Variants in BMPR2 observed in about 807,000 individuals in gnomAD.
BMPR2 encodes the protein bone morphogenetic protein receptor type-2.
A neutral mutation model predicts 100.8 loss-of-function variants in BMPR2; 29 were observed. That is an observed-to-expected ratio of 0.29 (90% CI 0.21 to 0.39). The LOEUF is 0.39. Among genes scored for constraint, BMPR2 ranks in the 10% least tolerant of loss-of-function variants. BMPR2 has a pLI of 1.00. For synonymous variants in BMPR2, 382 were observed against 442.3 expected, an observed-to-expected ratio of 0.86 and a Z score of 1.71; for missense variants, 1,011 against 1,274.5, an observed-to-expected ratio of 0.79 and a Z score of 3.15.
chr2:202,523,272 A>G (rs1207645109), intron 7 of BMPR2, among the ~76,000 whole-genome samples: 1 of 152,220 alleles, frequency 6.6e-6, no homozygotes, highest in Admixed American at 6.5e-5. Flanking sequence ...ACACTTATAC[A>G]TTATTGGTGG....
intron 1 of BMPR2, among the ~76,000 whole-genome samples, chr2:202,421,004 C>T (rs1462784759): frequency 6.6e-6 from 1 of 151,084 alleles, no homozygotes; most frequent in Non-Finnish European, 1.5e-5. Flanking sequence ...AATCCCAGCA[C>T]TTTGGGAGGC....
chr2:202,533,189 T>C (rs1034206733), intron 9 of BMPR2, among the ~76,000 whole-genome samples: 10 of 152,138 alleles, frequency 6.6e-5, no homozygotes, highest in Non-Finnish European at 1.5e-4. Context: ...CTTTCTTCCT[T>C]CCTTCCTCTT....
At chr2:202,390,836 G>A (rs1474361100) in intron 1 of BMPR2, among the ~76,000 whole-genome samples, 1 of 151,658 alleles carries the variant, frequency 6.6e-6, no homozygotes, top group Non-Finnish European at 1.5e-5. Flanking sequence ...TGATTTAAAG[G>A]TGTTACATGA....
At position 202,534,750 on chromosome 2, in the gene BMPR2, T is replaced by C. The variant is rs1374142773; in HGVS notation, c.1276+2018T>C. Among the ~76,000 whole-genome samples, 332 of 152,286 alleles carry C rather than the reference T, an allele frequency of 2.2e-3. 3 individuals are homozygous for C. Among genetic ancestry groups the C allele is most frequent in the Non-Finnish European group, 4.7e-4 (32 of 67,990 alleles). The stretch of plus-strand genomic sequence containing the variant: ...TTCCACAAAGCCGCCATTGTCATCC[T>C]GGCCCGTTCTCAATGAGCTGTTGGG... On this transcript the variant is annotated intron_variant, in intron 9 of 12. Coordinates refer to ENST00000374580, the MANE Select transcript of BMPR2 (RefSeq NM_001204.7).
chr2:202,400,379 G>A (rs78593245), intron 1 of BMPR2, among the ~76,000 whole-genome samples: 5,149 of 150,842 alleles, frequency 0.034, 301 homozygotes, highest in African/African-American at 0.12. Context: ...TGAACTCCTG[G>A]CTTCAAGAGG....
chr2:202,378,965 G>T (rs1002293201), intron 1 of BMPR2, among the ~76,000 whole-genome samples: 5 of 152,012 alleles, frequency 3.3e-5, no homozygotes, highest in African/African-American at 2.4e-5. Context: ...TTATGATGAC[G>T]TGCTCATAAT....
At chr2:202,432,855 T>G (rs1691535165) in intron 1 of BMPR2, among the ~76,000 whole-genome samples, 4 of 150,584 alleles carry the variant, frequency 2.7e-5, no homozygotes, top group Non-Finnish European at 5.9e-5. Flanking sequence ...AGCAGAAATC[T>G]GTGTGTTTTG....
At chr2:202,418,134 T>C (rs548859163) in intron 1 of BMPR2, among the ~76,000 whole-genome samples, 1 of 152,198 alleles carries the variant, frequency 6.6e-6, no homozygotes, top group African/African-American at 2.4e-5. Flanking sequence ...TACTGTGATA[T>C]TTGCTTTATT....
chr2:202,520,855 G>C (rs888790241), intron 7 of BMPR2: 2 of 154,974 alleles, frequency 1.3e-5, no homozygotes, highest in Admixed American at 1.3e-4. Flanking sequence ...TGGGGGAGAA[G>C]AGGAAGGTCT....
In BMPR2 at chr2:202,410,393, G is replaced by A. The variant is rs984440126; in HGVS notation, c.76+32843G>A. 9.2e-5 allele frequency among the ~76,000 whole-genome samples: 14 copies of A among 152,196 alleles called. 1 individual carries two copies. The highest frequency in any genetic ancestry group is 3.4e-4 in the African/African-American group (14 of 41,522). ...CAAAATGAACCTGAAACATTTAATG[G>A]TATCAGAAAGTAACTAAAAAATGAT... On this transcript the variant is annotated intron_variant, in intron 1 of 12. Transcript: ENST00000374580.
At chr2:202,539,853 C>G (rs1282430198) in intron 9 of BMPR2, among the ~76,000 whole-genome samples, 1 of 152,058 alleles carries the variant, frequency 6.6e-6, no homozygotes, top group East Asian at 1.9e-4. Context: ...CTAGATATTA[C>G]TATAAGATAT....
rs1174240085 is a variant in BMPR2, at chr2:202,562,754, A to G, written c.*2808A>G. The G allele has an allele frequency of 6.6e-6, 1 of 152,186 alleles. No individual in the cohort carries two copies. Among genetic ancestry groups the G allele is most frequent in the African/African-American group, 2.4e-5 (1 of 41,436 alleles). The allele number at this position is 152,186 out of a possible 1,614,324, so 9.4% of individuals were successfully genotyped here. The stretch of plus-strand genomic sequence containing the variant: ...CCTAACTGTATACCAGAATTAGGTC[A>G]CTGAAAGAACTTGATTTGAATTACG... On this transcript the variant is annotated 3_prime_UTR_variant, in exon 13 of 13. Coordinates refer to ENST00000374580, the MANE Select transcript of BMPR2 (RefSeq NM_001204.7).
At chr2:202,558,495 A>G (rs1688622788) in intron 12 of BMPR2, among the ~76,000 whole-genome samples, 1 of 152,218 alleles carries the variant, frequency 6.6e-6, no homozygotes. Context: ...AAGGAAGGAT[A>G]CAGGTCTCAA....
chr2:202,456,081 AAAAAAAAAAAAAAAAAAAAAAG>A, intron 1 of BMPR2, among the ~76,000 whole-genome samples: 1 of 110,782 alleles, frequency 9.0e-6, no homozygotes. Context: ...AAAAAAAAAA[AAAAAAAAAAAAAAAAAAAAAAG>A]TTAAGTAGTA....
At chr2:202,512,613 T>C (rs1687644814) in intron 3 of BMPR2, among the ~76,000 whole-genome samples, 1 of 152,204 alleles carries the variant, frequency 6.6e-6, no homozygotes, top group South Asian at 2.1e-4. Flanking sequence ...CTTGCTCTCT[T>C]TTGGATATGC....
chr2:202,539,070 C>T (rs1396912064), intron 9 of BMPR2, among the ~76,000 whole-genome samples: 1 of 151,928 alleles, frequency 6.6e-6, no homozygotes, highest in African/African-American at 2.4e-5. Context: ...TGGGGTACTA[C>T]CCCCATGAAG....
intron 1 of BMPR2, among the ~76,000 whole-genome samples, chr2:202,431,552 C>A (rs555485347): frequency 6.6e-6 from 1 of 150,532 alleles, no homozygotes; most frequent in African/African-American, 2.5e-5. Flanking sequence ...CAACAGCAGA[C>A]CTAATGAATA....
At chr2:202,415,411 C>T (rs1471360580) in intron 1 of BMPR2, among the ~76,000 whole-genome samples, 4 of 152,122 alleles carry the variant, frequency 2.6e-5, no homozygotes, top group African/African-American at 7.2e-5. Context: ...GCGGAGGTTG[C>T]GGTGAGCCAA....
In BMPR2 at chr2:202,555,274, G is replaced by C; in HGVS notation, c.1609G>C (p.Val537Leu). 3.7e-6 allele frequency: 6 copies of C among 1,614,100 alleles called. No homozygotes were observed. Among genetic ancestry groups the C allele is most frequent in the Non-Finnish European group, 5.1e-6 (6 of 1,179,996 alleles). The change falls in exon 12 of 13, where the codon GTG becomes CTG. Residue 537 changes from valine (V) to leucine (L), a missense_variant. Val to Leu is a conservative substitution (Grantham distance 32). This residue lies in a region of BMPR2 where 508 missense variants were observed against 552.0 expected (regional missense o/e 0.92). Coordinates refer to ENST00000374580, the MANE Select transcript of BMPR2 (RefSeq NM_001204.7). The part of the protein sequence containing the change: ...NERNLSHNRR[V>L]PKIGPYPDYS... ...AAGCAACCTGTCACATAATAGGCGT[G>C]TGCCAAAAATTGGTCCTTATCCAGA...
Sources: gnomAD v4.1 joint callset for allele counts (sites outside exome capture counted in the v4.1 genomes callset) on GRCh38, gnomAD v4.1.1 for gene constraint, gnomAD v4.1.1 regional missense constraint, MANE v1.5 for transcripts, NCBI Gene and HGNC (gene_info 2026-07-23, HGNC 2026-07-21) for gene names.